The following WWOX variants were observed in gnomAD, a reference collection of about 807,000 sequenced individuals.
WWOX encodes WW domain-containing oxidoreductase.
A neutral mutation model predicts 46.2 loss-of-function variants in WWOX; 69 were observed. That is an observed-to-expected ratio of 1.49 (90% CI 1.23 to 1.82). The LOEUF is 1.82. WWOX is among the 40% of genes most tolerant of loss of function. The probability of loss-of-function intolerance (pLI) is 0.00; values close to 1 mark genes in which losing one functional copy is unlikely to be tolerated. For synonymous variants in WWOX, 359 were observed against 202.6 expected, an observed-to-expected ratio of 1.77 and a Z score of -6.56; for missense variants, 919 against 542.6, an observed-to-expected ratio of 1.69 and a Z score of -6.89.
At chr16:78,806,999 A>G (rs1182750967) in intron 8 of WWOX, among the ~76,000 whole-genome samples, 1 of 152,206 alleles carries the variant, frequency 6.6e-6, no homozygotes, top group African/African-American at 2.4e-5. Flanking sequence ...CATCTATGAA[A>G]TGGGGGACAC....
intron 6 of WWOX, among the ~76,000 whole-genome samples, chr16:78,396,240 C>T (rs921594368): frequency 1.3e-5 from 2 of 152,112 alleles, no homozygotes; most frequent in Non-Finnish European, 2.9e-5. Flanking sequence ...CCTTCAAAAA[C>T]CTGCCCCTGG....
At chr16:78,611,793 C>T (rs537666902) in intron 8 of WWOX, among the ~76,000 whole-genome samples, 143 of 152,150 alleles carry the variant, frequency 9.4e-4, no homozygotes, top group African/African-American at 3.3e-3. Context: ...AGTCAAGGAA[C>T]GTATTGTTGT....
chr16:79,198,050 C>T (rs2051274215), intron 8 of WWOX, among the ~76,000 whole-genome samples: 1 of 152,090 alleles, frequency 6.6e-6, no homozygotes, highest in African/African-American at 2.4e-5. Context: ...ATGGGCTGGG[C>T]ATGGTGGCTC....
chr16:78,898,323 T>G (rs2044748733), intron 8 of WWOX: 1 of 152,158 alleles, frequency 6.6e-6, no homozygotes, highest in Admixed American at 6.5e-5. Context: ...TTGTATATGG[T>G]GTGAGGTAAT....
intron 8 of WWOX, among the ~76,000 whole-genome samples, chr16:78,643,900 T>C (rs988400691): frequency 2.0e-5 from 3 of 151,292 alleles, no homozygotes; most frequent in African/African-American, 7.3e-5. Context: ...CCTTGATATC[T>C]TGATGATACT....
intron 8 of WWOX, among the ~76,000 whole-genome samples, chr16:78,842,470 T>A (rs1336511214): frequency 6.6e-6 from 1 of 151,538 alleles, no homozygotes; most frequent in East Asian, 1.9e-4. Flanking sequence ...GCTACTTTAC[T>A]TCAACCTGGG....
chr16:78,730,936 C>T (rs935327951), intron 8 of WWOX, among the ~76,000 whole-genome samples: 1 of 152,066 alleles, frequency 6.6e-6, no homozygotes, highest in Non-Finnish European at 1.5e-5. Context: ...TTTGTTTGTT[C>T]CCCTAGAATA....
At chr16:78,488,819 A>G (rs1234638611) in intron 8 of WWOX, among the ~76,000 whole-genome samples, 1 of 152,168 alleles carries the variant, frequency 6.6e-6, no homozygotes, top group African/African-American at 2.4e-5. Flanking sequence ...ATTATGGCAG[A>G]TCAGTGGGAC....
chr16:78,207,092 C>G (rs145743457), intron 5 of WWOX, among the ~76,000 whole-genome samples: 1 of 152,102 alleles, frequency 6.6e-6, no homozygotes, highest in Non-Finnish European at 1.5e-5. Flanking sequence ...GGGATTAATT[C>G]TACATTGTCT....
chr16:78,990,695 A>T (rs1488304832), intron 8 of WWOX, among the ~76,000 whole-genome samples: 1 of 152,126 alleles, frequency 6.6e-6, no homozygotes, highest in South Asian at 2.1e-4. Flanking sequence ...CACATAGAGG[A>T]AAGAAGGAAG....
At chr16:78,507,734 A>G (rs1005039650) in intron 8 of WWOX, among the ~76,000 whole-genome samples, 35 of 152,184 alleles carry the variant, frequency 2.3e-4, no homozygotes, top group African/African-American at 7.5e-4. Flanking sequence ...ATGGTAGAGG[A>G]GGAAACACAG....
intron 4 of WWOX, among the ~76,000 whole-genome samples, chr16:78,152,904 G>T (rs369648302): frequency 1.3e-5 from 2 of 151,734 alleles, no homozygotes; most frequent in Non-Finnish European, 2.9e-5. Flanking sequence ...GAGTTGGTAT[G>T]TTTTTTGATT....
intron 8 of WWOX, among the ~76,000 whole-genome samples, chr16:78,836,852 C>G (rs1023043299): frequency 1.3e-5 from 2 of 152,122 alleles, no homozygotes; most frequent in Non-Finnish European, 2.9e-5. Context: ...AACAGAATCT[C>G]TTAGCATAGG....
chr16:78,608,785 G>A (rs1018396581), intron 8 of WWOX, among the ~76,000 whole-genome samples: 12 of 152,022 alleles, frequency 7.9e-5, no homozygotes, highest in Admixed American at 2.6e-4. Context: ...TGCCCTCCAG[G>A]GGTTCCTGGG....
chr16:78,714,719 C>T (rs983944010), intron 8 of WWOX, among the ~76,000 whole-genome samples: 8 of 152,086 alleles, frequency 5.3e-5, no homozygotes, highest in African/African-American at 1.9e-4. Context: ...TCCAATGGAA[C>T]TTGGGCGGAA....
At chr16:78,251,662 AC>A (rs1204650753) in intron 5 of WWOX, among the ~76,000 whole-genome samples, 1 of 152,136 alleles carries the variant, frequency 6.6e-6, no homozygotes, top group Admixed American at 6.5e-5. Flanking sequence ...TTACCGCTGA[AC>A]CCCGATGCTT....
chr16:78,589,841 A>C (rs1220131505), intron 8 of WWOX, among the ~76,000 whole-genome samples: 1 of 152,050 alleles, frequency 6.6e-6, no homozygotes, highest in Non-Finnish European at 1.5e-5. Context: ...ACCATTAACT[A>C]TGATGCTACT....
intron 8 of WWOX, among the ~76,000 whole-genome samples, chr16:78,904,234 CTTTTT>C (rs5818190): frequency 4.7e-5 from 4 of 85,772 alleles, no homozygotes; most frequent in African/African-American, 1.8e-4. Context: ...TTATAAATGC[CTTTTT>C]TTTTTTTTTT....
intron 8 of WWOX, among the ~76,000 whole-genome samples, chr16:78,677,103 G>A (rs570091310): frequency 6.0e-5 from 9 of 149,934 alleles, no homozygotes; most frequent in East Asian, 5.9e-4. Context: ...TCAAATTCTC[G>A]TAGGCATTAT....
Sources: allele counts gnomAD v4.1 joint callset (sites outside exome capture counted in the v4.1 genomes callset), GRCh38; gene constraint gnomAD v4.1.1; transcripts MANE v1.5; gene names NCBI Gene and HGNC (gene_info 2026-07-23, HGNC 2026-07-21).